SMURF2: variants seen among roughly 807,000 people sequenced by gnomAD.
SMURF2 encodes E3 ubiquitin-protein ligase SMURF2.
In SMURF2, 48 loss-of-function variants were observed where a neutral mutation model predicts 109.6. That is an observed-to-expected ratio of 0.44 (90% CI 0.35 to 0.56). The LOEUF is 0.56. Among genes scored for constraint, SMURF2 ranks in the 20% least tolerant of loss-of-function variants. The pLI is 0.01. For missense variants in SMURF2, 575 were observed against 909.0 expected, an observed-to-expected ratio of 0.63 and a Z score of 4.72; for synonymous variants, 288 against 317.1, an observed-to-expected ratio of 0.91 and a Z score of 0.97.
chr17:64,615,465 G>A (rs1307412419), intron 1 of SMURF2, among the ~76,000 whole-genome samples: 1 of 152,194 alleles, frequency 6.6e-6, no homozygotes, highest in African/African-American at 2.4e-5. Flanking sequence ...GTGGCCCAGT[G>A]CTTCAGAAGT....
intron 15 of SMURF2, among the ~76,000 whole-genome samples, chr17:64,553,336 C>G (rs1441949751): frequency 1.3e-5 from 2 of 151,940 alleles, no homozygotes; most frequent in African/African-American, 4.8e-5. Flanking sequence ...GAAACCCCAT[C>G]TCTGCTAATA....
At chr17:64,562,669 C>A (rs1350742583) in intron 11 of SMURF2, 102 bp downstream of exon 11, 8 of 1,186,318 alleles carry the variant, frequency 6.7e-6, no homozygotes, top group African/African-American at 1.5e-5. Context: ...TGAGCCACCG[C>A]ACCCGGCCAA....
At chr17:64,658,136 C>A (rs1970729403) in intron 1 of SMURF2, among the ~76,000 whole-genome samples, 1 of 152,104 alleles carries the variant, frequency 6.6e-6, no homozygotes, top group Non-Finnish European at 1.5e-5. Flanking sequence ...GGGCGGATCA[C>A]CTGAGGTCCA....
At chr17:64,613,135 CT>C (rs1970068668) in intron 1 of SMURF2, among the ~76,000 whole-genome samples, 1 of 152,140 alleles carries the variant, frequency 6.6e-6, no homozygotes. Context: ...ATCCTGGAGC[CT>C]TTACTGCACT....
At chr17:64,560,289 C>A (rs782341356) in intron 12 of SMURF2, among the ~76,000 whole-genome samples, 1 of 151,964 alleles carries the variant, frequency 6.6e-6, no homozygotes, top group Non-Finnish European at 1.5e-5. Context: ...TAGATGCCAC[C>A]AGTAGTTGAT....
chr17:64,591,588 T>C (rs1333080040), intron 4 of SMURF2, among the ~76,000 whole-genome samples: 1 of 152,192 alleles, frequency 6.6e-6, no homozygotes, highest in Non-Finnish European at 1.5e-5. Context: ...AAGCCAAGAA[T>C]AAACTGTAAA....
chr17:64,600,403 G>A (rs1555688450), intron 2 of SMURF2, among the ~76,000 whole-genome samples: 1 of 152,170 alleles, frequency 6.6e-6, no homozygotes, highest in African/African-American at 2.4e-5. Context: ...TAGATTTCCT[G>A]TGGACAGCTG....
chr17:64,611,334 T>C (rs2144682149), intron 1 of SMURF2, among the ~76,000 whole-genome samples: 1 of 152,278 alleles, frequency 6.6e-6, no homozygotes, highest in African/African-American at 2.4e-5. Flanking sequence ...CTCTGGTCTT[T>C]ACCATTTACT....
intron 10 of SMURF2, among the ~76,000 whole-genome samples, chr17:64,566,580 T>TTTTG (rs1555685019): frequency 8.7e-6 from 1 of 114,738 alleles, no homozygotes; most frequent in Non-Finnish European, 1.8e-5. Flanking sequence ...TTTTTTTTTT[T>TTTTG]TTTTTTTTTT....
intron 5 of SMURF2, among the ~76,000 whole-genome samples, chr17:64,590,792 C>T (rs1359019928): frequency 6.6e-6 from 1 of 151,978 alleles, no homozygotes; most frequent in Non-Finnish European, 1.5e-5. Flanking sequence ...TTTCAGTAAA[C>T]TTTAATAACA....
intron 10 of SMURF2, among the ~76,000 whole-genome samples, chr17:64,567,268 A>G (rs568574566): frequency 6.6e-5 from 10 of 152,234 alleles, no homozygotes; most frequent in Non-Finnish European, 8.8e-5. Context: ...AGGAATATGT[A>G]TAAAACTTCC....
intron 1 of SMURF2, among the ~76,000 whole-genome samples, chr17:64,621,294 T>C (rs528161243): frequency 3.3e-5 from 5 of 152,332 alleles, no homozygotes; most frequent in African/African-American, 9.6e-5. Context: ...TAAAAAGCAC[T>C]GTAGGCTGGG....
chr17:64,646,393 T>C (rs1375045185), intron 1 of SMURF2, among the ~76,000 whole-genome samples: 1 of 150,622 alleles, frequency 6.6e-6, no homozygotes, highest in Admixed American at 6.6e-5. Context: ...TTTTTTTTTT[T>C]TTTAAATTGA....
intron 5 of SMURF2, 93 bp from the exon 6 acceptor site, chr17:64,586,263 C>T: frequency 2.8e-6 from 2 of 716,382 alleles, no homozygotes; most frequent in South Asian, 4.7e-5. Flanking sequence ...TCTGACTTAG[C>T]TTATTTTAAT....
intron 1 of SMURF2, among the ~76,000 whole-genome samples, chr17:64,607,998 T>TAAAC (rs1470550960): frequency 1.9e-5 from 2 of 103,888 alleles, no homozygotes; most frequent in African/African-American, 4.6e-5. Context: ...GACTCTGTCA[T>TAAAC]AAATAAATAA....
intron 1 of SMURF2, among the ~76,000 whole-genome samples, chr17:64,611,953 A>G (rs77698529): frequency 2.0e-5 from 3 of 152,128 alleles, no homozygotes; most frequent in African/African-American, 7.2e-5. Context: ...TCTCAAATGT[A>G]TCTCTCTCAC....
intron 9 of SMURF2, among the ~76,000 whole-genome samples, chr17:64,576,196 T>A (rs1262417461): frequency 6.6e-6 from 1 of 151,248 alleles, no homozygotes; most frequent in Non-Finnish European, 1.5e-5. Flanking sequence ...CAGAGCTAGA[T>A]CCTGTCTCAA....
intron 1 of SMURF2, among the ~76,000 whole-genome samples, chr17:64,607,870 C>T (rs781872631): frequency 1.0e-3 from 157 of 151,100 alleles, no homozygotes; most frequent in Admixed American, 1.4e-3. Context: ...ACTCAGGAGG[C>T]TGAGGTGCGA....
chr17:64,600,591 CA>C (rs1336622177), intron 2 of SMURF2, among the ~76,000 whole-genome samples: 1 of 152,220 alleles, frequency 6.6e-6, no homozygotes, highest in African/African-American at 2.4e-5. Flanking sequence ...AAAGGAGGAC[CA>C]AAATTTAGGC....
Sources: allele counts gnomAD v4.1 joint callset (sites outside exome capture counted in the v4.1 genomes callset), GRCh38; gene constraint gnomAD v4.1.1; transcripts MANE v1.5; gene names NCBI Gene and HGNC (gene_info 2026-07-23, HGNC 2026-07-21).